Variants in CDKL5 observed in about 807,000 individuals in gnomAD.
CDKL5 encodes cyclin-dependent kinase-like 5.
A neutral mutation model predicts 61.7 loss-of-function variants in CDKL5; 8 were observed. That is an observed-to-expected ratio of 0.13 (90% CI 0.08 to 0.23). The LOEUF (loss-of-function observed/expected upper bound fraction) is 0.23, where lower values mean the gene tolerates loss of function less well. Ranked by LOEUF, CDKL5 falls within the 10% of genes least tolerant of loss-of-function variation. The pLI is 1.00. For missense variants in CDKL5, 440 were observed against 734.5 expected (o/e 0.60, Z 4.63); for synonymous variants, 275 against 272.3 (o/e 1.01, Z -0.10).
chrX:18,508,318 T>TA (rs1461993705), intron 2 of CDKL5, among the ~76,000 whole-genome samples: 3 of 112,340 alleles, frequency 2.7e-5, no homozygotes, highest in African/African-American at 9.7e-5. Context: ...ACAATTAAAA[T>TA]AAAGAGTTTA....
At chrX:18,640,427 T>TCCCCCCCCCCCCCCCCC (rs1300468144), downstream of CDKL5, 3 of 31,574 alleles carry the variant, frequency 9.5e-5, no homozygotes, top group South Asian at 2.0e-3. Context: ...CAGGGATAAG[T>TCCCCCCCCCCCCCCCCC]CCCCCCACCC....
intron 1 of CDKL5, among the ~76,000 whole-genome samples, chrX:18,447,141 C>T (rs1201423153): frequency 9.0e-6 from 1 of 111,253 alleles, no homozygotes; most frequent in Non-Finnish European, 1.9e-5. Context: ...GGTGGTGATG[C>T]ATGTGCTGCT....
chrX:18,466,635 C>G (rs751077331), intron 1 of CDKL5, among the ~76,000 whole-genome samples: 6 of 111,258 alleles, frequency 5.4e-5, no homozygotes, highest in African/African-American at 2.0e-4. Context: ...CTCAGCCTCC[C>G]GAGTAGCTGG....
At chrX:18,522,745 A>G (rs1376688229) in intron 3 of CDKL5, among the ~76,000 whole-genome samples, 3 of 109,967 alleles carry the variant, frequency 2.7e-5, no homozygotes, top group African/African-American at 9.9e-5. Flanking sequence ...TTTCTTTTTA[A>G]GAAATTTTTT....
intron 1 of CDKL5, among the ~76,000 whole-genome samples, chrX:18,469,480 C>G (rs1439629049): frequency 9.3e-6 from 1 of 107,323 alleles, no homozygotes; most frequent in East Asian, 2.9e-4. Context: ...GAAACCCCAT[C>G]TCTACTAAAA....
At chrX:18,484,741 G>A (rs1475798137) in intron 1 of CDKL5, among the ~76,000 whole-genome samples, 2 of 109,445 alleles carry the variant, frequency 1.8e-5, no homozygotes, top group Admixed American at 9.9e-5. Context: ...TCACTAGATG[G>A]TAAATCTGTA....
In CDKL5 at chrX:18,564,482, A is replaced by G. The variant is rs760485617; in HGVS notation, c.105A>G (p.Thr35=). The change falls in exon 4 of 18, where the codon ACA becomes ACG. Residue 35 remains threonine (T), a synonymous_variant. Coordinates refer to ENST00000623535, the MANE Select transcript of CDKL5 (RefSeq NM_001323289.2). ...CTGCTTCTTTTCCCTTGCAGGAAAC[A>G]CATGAAATTGTGGCGATCAAGAAAT... is the stretch of plus-strand genomic sequence containing the variant. ...GVVLKCRHKE[T]HEIVAIKKFK... 1 of 1,160,548 alleles carries G rather than the reference A, an allele frequency of 8.6e-7. No individual in the cohort carries two copies. The highest frequency in any genetic ancestry group is 1.8e-5 in the South Asian group (1 of 54,789).
intron 1 of CDKL5, among the ~76,000 whole-genome samples, chrX:18,469,126 G>T (rs1284654603): frequency 3.8e-5 from 4 of 105,733 alleles, no homozygotes; most frequent in Non-Finnish European, 7.8e-5. Flanking sequence ...ATCATTGGAG[G>T]TCAGGAGTTA....
At chrX:18,557,460 CTCTATATCCTCGTAGA>C (rs1402048015) in intron 3 of CDKL5, among the ~76,000 whole-genome samples, 1 of 111,427 alleles carries the variant, frequency 9.0e-6, no homozygotes, top group Non-Finnish European at 1.9e-5. Flanking sequence ...CAGTGGCCCC[CTCTATATCCTCGTAGA>C]TACTGAGGAA....
chrX:18,526,036 C>T (rs1005218211), intron 3 of CDKL5, among the ~76,000 whole-genome samples: 1 of 112,151 alleles, frequency 8.9e-6, no homozygotes, highest in East Asian at 2.8e-4. Flanking sequence ...CGTGAGCCAC[C>T]GCACCCGGCC....
chrX:18,567,752 G>T (rs767329830), intron 4 of CDKL5, among the ~76,000 whole-genome samples: 1 of 111,436 alleles, frequency 9.0e-6, no homozygotes, highest in Non-Finnish European at 1.9e-5. Flanking sequence ...AGGCATGGTG[G>T]TGTGTGCCTG....
At chrX:18,646,402 C>A (rs1370533621) in intron 20 of CDKL5, among the ~76,000 whole-genome samples, 1 of 112,257 alleles carries the variant, frequency 8.9e-6, no homozygotes, top group Admixed American at 9.4e-5. Flanking sequence ...AATCTGCCCC[C>A]CCTCGGCCTC....
chrX:18,448,118 C>T (rs1353849049), intron 1 of CDKL5, among the ~76,000 whole-genome samples: 1 of 111,828 alleles, frequency 8.9e-6, no homozygotes, highest in African/African-American at 3.3e-5. Context: ...AAATCTACAC[C>T]TGAATATTCT....
intron 21 of CDKL5, chrX:18,653,339 C>T: frequency 8.6e-7 from 1 of 1,166,120 alleles, no homozygotes; most frequent in Non-Finnish European, 1.1e-6. Context: ...ATGTGGCCTT[C>T]TGCTCCGTGG....
At chrX:18,653,423 G>A in intron 21 of CDKL5, 6 of 1,210,175 alleles carry the variant, frequency 5.0e-6, no homozygotes, top group Non-Finnish European at 6.7e-6. Flanking sequence ...GTCCTTCTGT[G>A]CTTTCCAGGG....
At chrX:18,553,595 C>T (rs1476708083) in intron 3 of CDKL5, among the ~76,000 whole-genome samples, 5 of 109,902 alleles carry the variant, frequency 4.5e-5, no homozygotes, top group Non-Finnish European at 7.6e-5. Context: ...TGGATTCAAG[C>T]GATTCTCACG....
intron 8 of CDKL5, 41 bp from the exon 9 acceptor site, chrX:18,587,913 T>C: frequency 8.8e-7 from 1 of 1,132,846 alleles, no homozygotes. Flanking sequence ...AAACATTATA[T>C]TTTTTCAGTT....
At chrX:18,611,828 C>A (rs1352186229) in intron 14 of CDKL5, among the ~76,000 whole-genome samples, 1 of 111,911 alleles carries the variant, frequency 8.9e-6, no homozygotes, top group African/African-American at 3.2e-5. Context: ...GATGAAACAT[C>A]TGAAGACATC....
chrX:18,449,111 TC>T (rs758434092), intron 1 of CDKL5, among the ~76,000 whole-genome samples: 8 of 112,127 alleles, frequency 7.1e-5, no homozygotes, highest in Non-Finnish European at 1.5e-4. Context: ...CGCCTTGGCC[TC>T]CCAAAGTGCT....
Sources: gnomAD v4.1 joint callset for allele counts (sites outside exome capture counted in the v4.1 genomes callset) on GRCh38, gnomAD v4.1.1 for gene constraint, MANE v1.5 for transcripts, NCBI Gene and HGNC (gene_info 2026-07-23, HGNC 2026-07-21) for gene names.